The following NIPAL4 variants were observed in gnomAD, a reference collection of about 807,000 sequenced individuals.
The protein encoded by NIPAL4 is magnesium transporter NIPA4.
A neutral mutation model predicts 31.6 loss-of-function variants in NIPAL4; 21 were observed. The observed-to-expected ratio is 0.67, with a 90% confidence interval of 0.47 to 0.96. NIPAL4 has a LOEUF of 0.96. Ranked by LOEUF, NIPAL4 falls within the 40% of genes least tolerant of loss-of-function variation. The probability of loss-of-function intolerance (pLI) is 0.00; values close to 1 mark genes in which losing one functional copy is unlikely to be tolerated. For missense variants in NIPAL4, 438 were observed against 508.0 expected (o/e 0.86, Z 1.32); for synonymous variants, 175 against 211.1 (o/e 0.83, Z 1.48).
Position 157,463,045 on chromosome 5 carries a change from T to C in NIPAL4, c.38-49T>C, listed in dbSNP as rs778821842. 22 of 1,605,836 alleles carry C rather than the reference T, an allele frequency of 1.4e-5. No homozygotes were observed. The East Asian group carries it at 4.7e-4, about 34-fold the overall frequency. On this transcript the variant is annotated intron_variant, in intron 1 of 5. Transcript: ENST00000311946. Reference sequence around the variant, plus strand: ...GTGGCCAATTCCAATATTTTAAAAGTGTGCAATTGTCCCCAGTGTGACTCT... The same window carrying C: ...GTGGCCAATTCCAATATTTTAAAAGCGTGCAATTGTCCCCAGTGTGACTCT...
At chr5:157,463,762 A>G (rs904356159) in intron 2 of NIPAL4, among the ~76,000 whole-genome samples, 2 of 152,146 alleles carry the variant, frequency 1.3e-5, no homozygotes, top group African/African-American at 4.8e-5. Flanking sequence ...TTAGCATCCA[A>G]TTGAGCTCCC....
rs1754160234 is a variant in NIPAL4, at chr5:157,463,274, G to A, written c.218G>A (p.Ser73Asn). ...CTGTCTAGCTTCCTCATCGGCAGCA[G>A]CGTCATCCTCAAGAAGAAAGGCCTC... is the stretch of plus-strand genomic sequence containing the variant. ...AFLSSFLIGS[S>N]VILKKKGLLR... Residue 73 changes from serine (S) to asparagine (N), a missense_variant, in exon 2 of 6, where the codon AGC becomes AAC. Coordinates refer to ENST00000311946, the MANE Select transcript of NIPAL4 (RefSeq NM_001099287.2). 2 of 1,613,828 alleles carry A rather than the reference G, an allele frequency of 1.2e-6. No individual in the cohort carries two copies. The highest frequency in any genetic ancestry group is 3.3e-5 in the Admixed American group (2 of 60,014).
chr5:157,468,687 G>A (rs374171113), intron 3 of NIPAL4, 35 bp from the exon 4 acceptor site: 236 of 1,238,652 alleles, frequency 1.9e-4, no homozygotes, highest in Non-Finnish European at 2.4e-4. Context: ...GTGCTTCTGC[G>A]CCATGCTAGC....
intron 1 of NIPAL4, among the ~76,000 whole-genome samples, chr5:157,461,730 C>T (rs1191493731): frequency 6.6e-6 from 1 of 152,256 alleles, no homozygotes; most frequent in Non-Finnish European, 1.5e-5. Context: ...GCAAAAGACA[C>T]ATGGATGTGC....
chr5:157,467,452 C>A (rs567158358), intron 3 of NIPAL4: 2 of 296,366 alleles, frequency 6.7e-6, no homozygotes, highest in African/African-American at 4.3e-5. Context: ...CCAACTTCCC[C>A]CAGTCCGCAG....
Position 157,463,087 on chromosome 5 carries a change from C to T in NIPAL4, c.38-7C>T, listed in dbSNP as rs1045777892. On this transcript the variant is annotated splice_polypyrimidine_tract_variant and splice_region_variant and intron_variant, in intron 1 of 5. Transcript: ENST00000311946. Reference sequence around the variant, plus strand: ...TGTGACTCTCTCACTGTGGTCTTCCCATCCAGGTTCCCTGCTCCACCTCTA... The same window carrying T: ...TGTGACTCTCTCACTGTGGTCTTCCTATCCAGGTTCCCTGCTCCACCTCTA... 3 of 1,613,502 alleles carry T rather than the reference C, an allele frequency of 1.9e-6. No individual in the cohort carries two copies. The highest frequency in any genetic ancestry group is 2.5e-6 in the Non-Finnish European group (3 of 1,179,606).
chr5:157,468,918 G>C (rs766612931), intron 4 of NIPAL4, 106 bp downstream of exon 4: 1 of 749,052 alleles, frequency 1.3e-6, no homozygotes, highest in Non-Finnish European at 2.2e-6. Flanking sequence ...CAGGGACCTG[G>C]GTTGGTCTCA....
At position 157,472,728 on chromosome 5, in the gene NIPAL4, C is replaced by A. The variant is rs1197507450; in HGVS notation, c.983C>A (p.Thr328Asn). Residue 328 changes from threonine (T) to asparagine (N), a missense_variant, in exon 6 of 6, where the codon ACC (threonine) becomes AAC (asparagine). Physicochemically the swap from Thr to Asn is moderately conservative, Grantham distance 65. Coordinates refer to ENST00000311946, the MANE Select transcript of NIPAL4 (RefSeq NM_001099287.2). The part of the protein sequence containing the change: ...YSMSAVDIAG[T>N]LSGFVTIILG... ...ATGTCTGCTGTGGACATTGCAGGCA[C>A]CCTCTCGGGCTTTGTCACCATCATC... 6.2e-7 allele frequency: 1 copy of A among 1,613,764 alleles called. No individual in the cohort carries two copies. Among genetic ancestry groups the A allele is most frequent in the Admixed American group, 1.7e-5 (1 of 59,982 alleles).
At chr5:157,467,164 A>AAT in intron 3 of NIPAL4, 59 bp downstream of exon 3, 2 of 598,716 alleles carry the variant, frequency 3.3e-6, no homozygotes, top group Non-Finnish European at 6.4e-6. Flanking sequence ...CTGGAGACAA[A>AAT]GGGAGGGGTG....
At chr5:157,462,015 G>C (rs1163084387) in intron 1 of NIPAL4, among the ~76,000 whole-genome samples, 1 of 152,238 alleles carries the variant, frequency 6.6e-6, no homozygotes, top group East Asian at 1.9e-4. Context: ...CACTGCCTGG[G>C]AGTTCTAGGT....
At position 157,468,752 on chromosome 5, in the gene NIPAL4, C is replaced by G. The variant is rs376705921; in HGVS notation, c.365C>G (p.Ala122Gly). The G allele has an allele frequency of 5.0e-6, 8 of 1,612,266 alleles. No individual in the cohort carries two copies. The East Asian group carries it at 1.1e-4, about 22-fold the overall frequency. The change falls in exon 4 of 6, where the codon GCC (alanine) becomes GGC (glycine). Residue 122 changes from alanine to glycine, a missense_variant. Ala to Gly is a moderately conservative substitution (Grantham distance 60, BLOSUM62 0). Coordinates refer to ENST00000311946, the MANE Select transcript of NIPAL4 (RefSeq NM_001099287.2). ...GCTGGAGAAGTTGCCAACTTTGGAG[C>G]CTACGCATTTGCACCTGCAACAGTC... ...MAAGEVANFG[A>G]YAFAPATVVT... is the part of the protein sequence containing the mutation.
intron 4 of NIPAL4, among the ~76,000 whole-genome samples, chr5:157,470,027 C>T (rs1481110536): frequency 6.6e-6 from 1 of 152,108 alleles, no homozygotes; most frequent in Non-Finnish European, 1.5e-5. Flanking sequence ...GACATTGCGG[C>T]CAAAATATTT....
At chr5:157,464,349 G>C (rs1323793954) in intron 2 of NIPAL4, among the ~76,000 whole-genome samples, 1 of 152,194 alleles carries the variant, frequency 6.6e-6, no homozygotes, top group Non-Finnish European at 1.5e-5. Flanking sequence ...TGGAAGTACA[G>C]AGGCTGAGTG....
rs974167811 is a variant in NIPAL4 at position 157,473,145 on chromosome 5, C to T, written c.*185C>T. 2.0e-5 allele frequency: 10 copies of T among 497,664 alleles called. No homozygotes were observed. Among genetic ancestry groups the T allele is most frequent in the African/African-American group, 3.8e-5 (2 of 52,072 alleles). 30.8% of individuals were successfully genotyped at this position (497,664 alleles called of 1,614,324 possible). ...TACCCAAATAGCAATGGTGGCAGAA[C>T]TTCCTGGAAACAGATTCAGTGACCA... is the stretch of plus-strand genomic sequence containing the variant. On this transcript the variant is annotated 3_prime_UTR_variant, in exon 6 of 6. Coordinates refer to ENST00000311946, the MANE Select transcript of NIPAL4 (RefSeq NM_001099287.2).
intron 1 of NIPAL4, among the ~76,000 whole-genome samples, chr5:157,462,209 T>C (rs945043307): frequency 1.3e-5 from 2 of 152,172 alleles, no homozygotes; most frequent in African/African-American, 4.8e-5. Flanking sequence ...AGAGAGTATG[T>C]CCTATTTTAG....
In NIPAL4 at chr5:157,474,280, G is replaced by C. The variant is rs1278509025; in HGVS notation, c.*1320G>C. 1 of 152,238 alleles carries C rather than the reference G, an allele frequency of 6.6e-6. No homozygotes were observed. The highest frequency in any genetic ancestry group is 1.5e-5 in the Non-Finnish European group (1 of 68,062). The allele number at this position is 152,238 out of a possible 1,614,324, so 9.4% of individuals were successfully genotyped here. On this transcript the variant is annotated 3_prime_UTR_variant, in exon 6 of 6. Coordinates refer to ENST00000311946, the MANE Select transcript of NIPAL4 (RefSeq NM_001099287.2). The stretch of plus-strand genomic sequence containing the variant: ...CAGAGGCATACAAAAAACCAGAGCA[G>C]CTGGAGAGGGAGATAATTACTATTC...
intron 5 of NIPAL4, 71 bp downstream of exon 5, chr5:157,471,888 C>A: frequency 7.7e-7 from 1 of 1,290,540 alleles, no homozygotes; most frequent in Non-Finnish European, 1.1e-6. Flanking sequence ...CACAAAAGGT[C>A]AGGTTGGGTT....
At chr5:157,461,644 G>C (rs1228214345) in intron 1 of NIPAL4, among the ~76,000 whole-genome samples, 1 of 152,250 alleles carries the variant, frequency 6.6e-6, no homozygotes, top group African/African-American at 2.4e-5. Flanking sequence ...GAACAAGTCT[G>C]ATTAGGGACT....
At chr5:157,465,949 T>C (rs1197415845) in intron 2 of NIPAL4, among the ~76,000 whole-genome samples, 2 of 151,660 alleles carry the variant, frequency 1.3e-5, no homozygotes. Flanking sequence ...GCTATGATCA[T>C]GCCACTGCAC....
Sources: gnomAD v4.1 joint callset for allele counts (sites outside exome capture counted in the v4.1 genomes callset) on GRCh38, gnomAD v4.1.1 for gene constraint, MANE v1.5 for transcripts, NCBI Gene and HGNC (gene_info 2026-07-23, HGNC 2026-07-21) for gene names.